Variants in ENTHD1 observed in about 807,000 individuals in gnomAD.
ENTHD1 encodes ENTH domain-containing protein 1.
A neutral mutation model predicts 39.1 loss-of-function variants in ENTHD1; 23 were observed. The ratio of observed to expected loss-of-function variants is 0.59; its 90% CI spans 0.42 to 0.83. ENTHD1 has a LOEUF of 0.83. ENTHD1 is among the 40% of genes least tolerant of loss of function. ENTHD1 has a pLI of 0.00. For synonymous variants in ENTHD1, 230 were observed against 258.2 expected (o/e 0.89, Z 1.05); for missense variants, 624 against 705.4 (o/e 0.88, Z 1.31).
intron 2 of ENTHD1, among the ~76,000 whole-genome samples, chr22:39,872,006 T>C (rs2066248220): frequency 6.6e-6 from 1 of 152,234 alleles, no homozygotes; most frequent in African/African-American, 2.4e-5. Flanking sequence ...ATGAGTGCAT[T>C]GAAATTGCAC....
At chr22:39,811,482 C>T (rs1601610382) in intron 5 of ENTHD1, among the ~76,000 whole-genome samples, 1 of 152,290 alleles carries the variant, frequency 6.6e-6, no homozygotes, top group East Asian at 1.9e-4. Context: ...ACCACTAGGG[C>T]TTTGGAGTAA....
chr22:39,787,622 A>G (rs2065469968), intron 5 of ENTHD1, among the ~76,000 whole-genome samples: 2 of 152,214 alleles, frequency 1.3e-5, no homozygotes, highest in Non-Finnish European at 2.9e-5. Flanking sequence ...CAGCCCCAAC[A>G]TTCCCTTAAG....
At chr22:39,796,477 C>G (rs537041842) in intron 5 of ENTHD1, among the ~76,000 whole-genome samples, 1 of 152,076 alleles carries the variant, frequency 6.6e-6, no homozygotes, top group South Asian at 2.1e-4. Flanking sequence ...ACTTTGTTGC[C>G]CAGACTGATC....
At chr22:39,885,152 A>C (rs982764258) in intron 2 of ENTHD1, among the ~76,000 whole-genome samples, 4 of 152,202 alleles carry the variant, frequency 2.6e-5, no homozygotes, top group Admixed American at 2.6e-4. Context: ...TAATACTCAA[A>C]CAGTTGTTTT....
rs115496090 is a variant in ENTHD1 at position 39,799,388 on chromosome 22, C to T, written c.832+21605G>A. ...GGCTGCAGGACACTGTGTGTTAGAG[C>T]GGTGGTGATGCAGGATTTTTTGCTC... On this transcript the variant is annotated intron_variant, in intron 5 of 6. Transcript: ENST00000325157. 7.2e-3 allele frequency among the ~76,000 whole-genome samples: 1,099 copies of T among 152,198 alleles called. 5 individuals are homozygous for T. The highest frequency in any genetic ancestry group is 0.025 in the African/African-American group (1,031 of 41,514).
chr22:39,792,970 T>C (rs948551691), intron 5 of ENTHD1, among the ~76,000 whole-genome samples: 5 of 152,202 alleles, frequency 3.3e-5, no homozygotes, highest in Admixed American at 6.5e-5. Context: ...TGCTGGATCA[T>C]ATAGTAGGCC....
At chr22:39,816,922 A>AATATATCTGAT (rs2065738212) in intron 5 of ENTHD1, among the ~76,000 whole-genome samples, 1 of 151,858 alleles carries the variant, frequency 6.6e-6, no homozygotes, top group South Asian at 2.1e-4. Context: ...GATATATAGA[A>AATATATCTGAT]ATATATCTGA....
intron 5 of ENTHD1, among the ~76,000 whole-genome samples, chr22:39,803,817 G>T (rs768782316): frequency 9.2e-5 from 14 of 152,130 alleles, no homozygotes; most frequent in Non-Finnish European, 1.8e-4. Flanking sequence ...TTAACAGAAG[G>T]CTTTATTAAC....
intron 3 of ENTHD1, among the ~76,000 whole-genome samples, chr22:39,847,261 A>G (rs1043492460): frequency 1.3e-5 from 2 of 151,306 alleles, no homozygotes; most frequent in African/African-American, 4.9e-5. Flanking sequence ...TCAGTAAACT[A>G]TCGCAAGGAC....
At chr22:39,820,368 G>A (rs866322149) in intron 5 of ENTHD1, among the ~76,000 whole-genome samples, 13 of 152,252 alleles carry the variant, frequency 8.5e-5, no homozygotes, top group South Asian at 2.1e-4. Flanking sequence ...AGAACGTTTC[G>A]TTCTCATGGT....
In ENTHD1 at chr22:39,743,699, C is replaced by G. The variant is rs756040876; in HGVS notation, c.1804G>C (p.Gly602Arg). 6.2e-7 allele frequency: 1 copy of G among 1,611,864 alleles called. No individual in the cohort carries two copies. Among genetic ancestry groups the G allele is most frequent in the East Asian group, 2.2e-5 (1 of 44,870 alleles). ...QSSQVPQSSEGSSDQI is the reference protein window; with the variant it reads ...QSSQVPQSSERSSDQI ...GATGATTAGATCTGATCTGAGCTCC[C>G]CTCAGAAGACTGGGGGACCTGGGAA... is the stretch of plus-strand genomic sequence containing the variant. The change falls in exon 7 of 7, where the codon GGG (glycine) becomes CGG (arginine). Residue 602 changes from glycine (G) to arginine (R), a missense_variant. Coordinates refer to ENST00000325157, the MANE Select transcript of ENTHD1 (RefSeq NM_152512.4).
At chr22:39,818,797 C>A (rs1483243167) in intron 5 of ENTHD1, among the ~76,000 whole-genome samples, 1 of 152,188 alleles carries the variant, frequency 6.6e-6, no homozygotes, top group Non-Finnish European at 1.5e-5. Flanking sequence ...GGGATCCCCC[C>A]TCCGGCTACA....
intron 5 of ENTHD1, among the ~76,000 whole-genome samples, chr22:39,801,628 A>G (rs1038321599): frequency 3.3e-5 from 5 of 152,226 alleles, no homozygotes; most frequent in Non-Finnish European, 5.9e-5. Context: ...GGAGGTAGTA[A>G]TGTAAAGAGG....
At chr22:39,839,521 T>C (rs542913186) in intron 3 of ENTHD1, among the ~76,000 whole-genome samples, 1 of 152,342 alleles carries the variant, frequency 6.6e-6, no homozygotes, top group East Asian at 1.9e-4. Context: ...GTATGGTAGA[T>C]GCCAGAGATA....
chr22:39,781,400 C>T (rs1318002383), intron 5 of ENTHD1, among the ~76,000 whole-genome samples: 4 of 152,018 alleles, frequency 2.6e-5, no homozygotes, highest in South Asian at 2.1e-4. Context: ...CGACATGCTC[C>T]GGAACAACCA....
intron 5 of ENTHD1, among the ~76,000 whole-genome samples, chr22:39,813,127 T>G (rs2146636313): frequency 6.6e-6 from 1 of 152,282 alleles, no homozygotes; most frequent in South Asian, 2.1e-4. Flanking sequence ...GGGTGCAGCT[T>G]CGCCTTCCCT....
chr22:39,748,250 A>G (rs2065122075), intron 6 of ENTHD1, among the ~76,000 whole-genome samples: 1 of 129,578 alleles, frequency 7.7e-6, no homozygotes, highest in Non-Finnish European at 1.6e-5. Flanking sequence ...CCCTGTCTCC[A>G]AAAAAAAAAA....
At chr22:39,804,347 G>A (rs956614936) in intron 5 of ENTHD1, among the ~76,000 whole-genome samples, 3 of 151,128 alleles carry the variant, frequency 2.0e-5, no homozygotes, top group East Asian at 1.9e-4. Context: ...TTAGCTAGGC[G>A]AGGTGGCACA....
intron 2 of ENTHD1, among the ~76,000 whole-genome samples, chr22:39,862,995 T>C (rs1471559426): frequency 6.6e-6 from 1 of 152,166 alleles, no homozygotes; most frequent in Non-Finnish European, 1.5e-5. Context: ...GGACACAGCA[T>C]TCCTCCCTTC....
Sources: gnomAD v4.1 joint callset for allele counts (sites outside exome capture counted in the v4.1 genomes callset) on GRCh38, gnomAD v4.1.1 for gene constraint, MANE v1.5 for transcripts, NCBI Gene and HGNC (gene_info 2026-07-23, HGNC 2026-07-21) for gene names.